The following FSTL4 variants were observed in gnomAD, a reference collection of about 807,000 sequenced individuals.
The protein encoded by FSTL4 is follistatin-related protein 4.
Under a neutral mutation model 78.2 loss-of-function variants are expected in FSTL4, and 28 were observed. The ratio of observed to expected loss-of-function variants is 0.36; its 90% confidence interval spans 0.27 to 0.49. The LOEUF (loss-of-function observed/expected upper bound fraction) is 0.49, where lower values mean the gene tolerates loss of function less well. Ranked by LOEUF, FSTL4 falls within the 20% of genes least tolerant of loss-of-function variation. The pLI, the probability that FSTL4 is intolerant of heterozygous loss-of-function variation, is 0.98. For synonymous variants in FSTL4, 422 were observed against 440.5 expected (o/e 0.96, Z 0.53); for missense variants, 922 against 1,084.9 (o/e 0.85, Z 2.11).
chr5:133,279,286 CA>C (rs1163034523), intron 6 of FSTL4, among the ~76,000 whole-genome samples: 2 of 152,186 alleles, frequency 1.3e-5, no homozygotes, highest in African/African-American at 4.8e-5. Flanking sequence ...CAAAGGAGCA[CA>C]AACCCTATAG....
At chr5:133,591,016 T>G (rs1760613879) in intron 2 of FSTL4, among the ~76,000 whole-genome samples, 1 of 152,180 alleles carries the variant, frequency 6.6e-6, no homozygotes, top group Admixed American at 6.5e-5. Flanking sequence ...CTTGTGGCAC[T>G]GGGGATTAAG....
At chr5:133,524,756 A>G (rs1759056611) in intron 3 of FSTL4, among the ~76,000 whole-genome samples, 1 of 152,212 alleles carries the variant, frequency 6.6e-6, no homozygotes, top group Non-Finnish European at 1.5e-5. Context: ...CACAACCAAC[A>G]GACAGCCCCC....
At chr5:133,226,106 C>G (rs1330680678) in intron 8 of FSTL4, among the ~76,000 whole-genome samples, 2 of 152,182 alleles carry the variant, frequency 1.3e-5, no homozygotes, top group African/African-American at 4.8e-5. Context: ...TAATGCTGTT[C>G]AGCTGCTACA....
At chr5:133,491,576 AT>A (rs1456645720) in intron 3 of FSTL4, among the ~76,000 whole-genome samples, 1 of 151,202 alleles carries the variant, frequency 6.6e-6, no homozygotes, top group African/African-American at 2.4e-5. Context: ...ATTTTTTTGT[AT>A]TTTTTTAGTA....
At chr5:133,799,146 T>C in the FSTL4 span, among the ~76,000 whole-genome samples, 1 of 137,022 alleles carries the variant, frequency 7.3e-6, no homozygotes, top group Non-Finnish European at 1.6e-5. Flanking sequence ...CCAGCTTCCC[T>C]GGGTTCCACG....
chr5:133,216,984 T>G (rs1750928399), intron 13 of FSTL4, among the ~76,000 whole-genome samples: 1 of 152,240 alleles, frequency 6.6e-6, no homozygotes, highest in Non-Finnish European at 1.5e-5. Context: ...TTACTTATAG[T>G]TCTCTAAAAT....
chr5:133,824,360 A>T, the FSTL4 span, among the ~76,000 whole-genome samples: 1 of 152,168 alleles, frequency 6.6e-6, no homozygotes, highest in Non-Finnish European at 1.5e-5. Flanking sequence ...CTTTACTTAC[A>T]TTTACCAGTT....
At chr5:133,378,038 C>A (rs1184716561) in intron 4 of FSTL4, among the ~76,000 whole-genome samples, 1 of 152,004 alleles carries the variant, frequency 6.6e-6, no homozygotes, top group Admixed American at 6.5e-5. Context: ...ATCGTATATC[C>A]AACAAAACCA....
chr5:133,332,440 C>G (rs1754370657), intron 4 of FSTL4, among the ~76,000 whole-genome samples: 1 of 152,182 alleles, frequency 6.6e-6, no homozygotes, highest in Admixed American at 6.5e-5. Context: ...TGACAGGGAC[C>G]CTCTTGGATT....
the FSTL4 span, among the ~76,000 whole-genome samples, chr5:133,644,322 T>C: frequency 1.3e-5 from 2 of 152,168 alleles, no homozygotes; most frequent in African/African-American, 4.8e-5. Flanking sequence ...GTGTTTTTTT[T>C]TTCTTTTTAA....
At chr5:133,294,300 TA>T (rs776890553) in intron 6 of FSTL4, among the ~76,000 whole-genome samples, 2 of 152,166 alleles carry the variant, frequency 1.3e-5, no homozygotes, top group Non-Finnish European at 2.9e-5. Context: ...TCCAGGGTGT[TA>T]ATTTTGGAGG....
At chr5:133,227,387 A>G (rs894790288) in intron 8 of FSTL4, among the ~76,000 whole-genome samples, 1 of 152,204 alleles carries the variant, frequency 6.6e-6, no homozygotes, top group Non-Finnish European at 1.5e-5. Flanking sequence ...GTTTGATCCA[A>G]AGAGGAAAGA....
In FSTL4 at chr5:133,266,200, C is replaced by T. The variant is rs573326588; in HGVS notation, c.728-16624G>A. On this transcript the variant is annotated intron_variant, in intron 6 of 15. Transcript: ENST00000265342. ...GAGCATGCAGAGCACAGAGCCCAGG[C>T]GTGGGGGCCCCTGTGGGCAAACCCA... 4.6e-5 allele frequency among the ~76,000 whole-genome samples: 7 copies of T among 152,218 alleles called. No individual in the cohort carries two copies. In the South Asian group the frequency reaches 8.3e-4, roughly 18 times the overall value.
chr5:133,441,050 T>C (rs1049919968), intron 3 of FSTL4, among the ~76,000 whole-genome samples: 5 of 152,072 alleles, frequency 3.3e-5, no homozygotes, highest in South Asian at 2.1e-4. Flanking sequence ...TGAGTAGGAA[T>C]TGAATGCAAA....
chr5:133,451,675 C>T (rs1224382419), intron 3 of FSTL4, among the ~76,000 whole-genome samples: 2 of 152,178 alleles, frequency 1.3e-5, no homozygotes, highest in Non-Finnish European at 2.9e-5. Flanking sequence ...TGGGCTAAGC[C>T]AGGGTCCGTG....
the FSTL4 span, among the ~76,000 whole-genome samples, chr5:133,686,869 A>G: frequency 3.7e-3 from 562 of 152,294 alleles, 2 homozygotes; most frequent in African/African-American, 0.013. Context: ...GCAGAAACAC[A>G]TTTTGCAATG....
chr5:133,628,404 G>C, the FSTL4 span, among the ~76,000 whole-genome samples: 272 of 149,522 alleles, frequency 1.8e-3, 2 homozygotes, highest in African/African-American at 6.0e-3. Context: ...CTGTTGCCCA[G>C]GCTGGAGTGC....
chr5:133,691,497 CATT>C, the FSTL4 span, among the ~76,000 whole-genome samples: 2 of 152,122 alleles, frequency 1.3e-5, no homozygotes, highest in African/African-American at 2.4e-5. Context: ...GCTGAGGGAT[CATT>C]AACTTGAAGG....
At chr5:133,634,638 C>T in the FSTL4 span, among the ~76,000 whole-genome samples, 1 of 152,160 alleles carries the variant, frequency 6.6e-6, no homozygotes, top group African/African-American at 2.4e-5. Context: ...ACTCCATCAT[C>T]CTAGAAGTGA....
Sources: allele counts gnomAD v4.1 joint callset (sites outside exome capture counted in the v4.1 genomes callset), GRCh38; gene constraint gnomAD v4.1.1; transcripts MANE v1.5; gene names NCBI Gene and HGNC (gene_info 2026-07-23, HGNC 2026-07-21).